The following CENPC variants were observed in gnomAD, a reference collection of about 807,000 sequenced individuals.
CENPC encodes CENP-C 1.
In CENPC, 63 loss-of-function variants were observed where a neutral mutation model predicts 112.1. The observed-to-expected ratio is 0.56, with a 90% confidence interval of 0.46 to 0.69. The LOEUF (loss-of-function observed/expected upper bound fraction) is 0.69. Ranked by LOEUF, CENPC falls within the 30% of genes least tolerant of loss-of-function variation. The pLI, the probability that CENPC is intolerant of heterozygous loss-of-function variation, is 0.00. For synonymous variants in CENPC, 333 were observed against 367.6 expected (o/e 0.91, Z 1.08); for missense variants, 1,000 against 1,103.8 (o/e 0.91, Z 1.33).
At chr4:67,506,004 GC>G (rs1308810341) in intron 11 of CENPC, among the ~76,000 whole-genome samples, 12 of 152,102 alleles carry the variant, frequency 7.9e-5, no homozygotes, top group African/African-American at 2.9e-4. Flanking sequence ...AGATGATTCA[GC>G]CTCTCCTAGT....
rs1311589471 is a variant in CENPC, at chr4:67,492,900, C to A, written c.2388G>T (p.Lys796Asn). The A allele has an allele frequency of 3.2e-6, 5 of 1,569,520 alleles. No individual in the cohort carries two copies. In the East Asian group the frequency reaches 6.9e-5, roughly 22 times the overall value. The change falls in exon 15 of 19, where the codon AAG becomes AAT. Residue 796 changes from lysine to asparagine, a missense_variant. Transcript: ENST00000273853. ...CATCGTTATCAAGACAGATCCTTTTCTTATTAGATTTTTTGTTGACTTTTC... is the reference window on the plus strand; with the variant it reads ...CATCGTTATCAAGACAGATCCTTTTATTATTAGATTTTTTGTTGACTTTTC... ...NIGKVNKKSN[K>N]KRICLDNDER...
chr4:67,537,029 A>G (rs1043972381), intron 4 of CENPC, among the ~76,000 whole-genome samples: 101 of 144,106 alleles, frequency 7.0e-4, no homozygotes, highest in Admixed American at 1.2e-3. Context: ...CCTCTAATTA[A>G]AAAAAAAAAA....
At chr4:67,485,500 G>A (rs1176725814) in intron 17 of CENPC, among the ~76,000 whole-genome samples, 1 of 152,140 alleles carries the variant, frequency 6.6e-6, no homozygotes, top group East Asian at 1.9e-4. Flanking sequence ...CAGGAGGTGG[G>A]GAATTTGGGA....
In CENPC at chr4:67,492,289, A is replaced by G; in HGVS notation, c.2420-14T>C. ...TTAAGTTAGTCTCTGCAAAAGAAAT[A>G]CCATTGAAATACAAACTACTTACTT... On this transcript the variant is annotated splice_polypyrimidine_tract_variant and intron_variant, in intron 15 of 18. Transcript: ENST00000273853. The G allele has an allele frequency of 6.7e-7, 1 of 1,491,206 alleles. No homozygotes were observed. The highest frequency in any genetic ancestry group is 9.1e-7 in the Non-Finnish European group (1 of 1,094,202). The allele number at this position is 1,491,206 out of a possible 1,614,324, so 92.4% of individuals were successfully genotyped here. A position where few individuals can be genotyped will look rare whatever the true frequency, so the allele number is the denominator to read the frequency against.
At chr4:67,544,444 T>C (rs1726971072) in intron 1 of CENPC, among the ~76,000 whole-genome samples, 1 of 152,220 alleles carries the variant, frequency 6.6e-6, no homozygotes, top group South Asian at 2.1e-4. Flanking sequence ...TGCTTTCTTC[T>C]GATTATATAT....
intron 12 of CENPC, among the ~76,000 whole-genome samples, chr4:67,501,964 G>C (rs1380628331): frequency 6.6e-6 from 1 of 152,072 alleles, no homozygotes; most frequent in Non-Finnish European, 1.5e-5. Context: ...CTAACACAAG[G>C]GACAACTCCT....
At chr4:67,526,518 AT>A (rs1726385974) in intron 5 of CENPC, among the ~76,000 whole-genome samples, 1 of 152,082 alleles carries the variant, frequency 6.6e-6, no homozygotes, top group Non-Finnish European at 1.5e-5. Flanking sequence ...TAATATTGCT[AT>A]TTAAAAGTTC....
intron 1 of CENPC, 57 bp downstream of exon 1, chr4:67,545,281 G>T: frequency 7.0e-7 from 1 of 1,435,720 alleles, no homozygotes; most frequent in Non-Finnish European, 9.2e-7. Flanking sequence ...AGCCTCGGGC[G>T]CCCGTGCCCC....
chr4:67,542,394 A>G (rs1299733866), intron 2 of CENPC, among the ~76,000 whole-genome samples: 1 of 152,236 alleles, frequency 6.6e-6, no homozygotes, highest in Non-Finnish European at 1.5e-5. Flanking sequence ...CTGGAAAAGT[A>G]CTATATATGC....
At chr4:67,494,268 T>C (rs1244538417) in intron 13 of CENPC, among the ~76,000 whole-genome samples, 2 of 152,212 alleles carry the variant, frequency 1.3e-5, no homozygotes, top group Non-Finnish European at 2.9e-5. Flanking sequence ...AAGTTCTGTA[T>C]ACTAAATTGA....
intron 12 of CENPC, among the ~76,000 whole-genome samples, chr4:67,504,872 A>G (rs1163696373): frequency 1.3e-5 from 2 of 152,188 alleles, no homozygotes; most frequent in Non-Finnish European, 2.9e-5. Context: ...AGAAAATAGT[A>G]TAATGAACCC....
At chr4:67,510,642 T>C (rs532547732) in intron 9 of CENPC, 9 of 185,310 alleles carry the variant, frequency 4.9e-5, no homozygotes, top group African/African-American at 1.4e-4. Flanking sequence ...TAGTGTCTCA[T>C]TGTCTTACCC....
intron 5 of CENPC, among the ~76,000 whole-genome samples, chr4:67,529,215 T>C (rs767566566): frequency 1.3e-5 from 2 of 152,232 alleles, no homozygotes; most frequent in Non-Finnish European, 2.9e-5. Flanking sequence ...GTTCTTTATA[T>C]ATTCTGATTA....
intron 4 of CENPC, among the ~76,000 whole-genome samples, chr4:67,535,441 A>G (rs1039608876): frequency 6.0e-4 from 90 of 149,662 alleles, no homozygotes; most frequent in African/African-American, 1.9e-3. Flanking sequence ...TAGATTGAAG[A>G]AAAAAAAAAG....
chr4:67,515,365 C>T (rs886707512), intron 7 of CENPC, among the ~76,000 whole-genome samples: 1 of 151,584 alleles, frequency 6.6e-6, no homozygotes, highest in African/African-American at 2.4e-5. Flanking sequence ...ACTTGGGAGG[C>T]TGAGGCGGAA....
chr4:67,486,812 A>G (rs541558185), intron 17 of CENPC, among the ~76,000 whole-genome samples: 1 of 152,262 alleles, frequency 6.6e-6, no homozygotes, highest in South Asian at 2.1e-4. Context: ...TTTATTGAAA[A>G]CATTAAGCAG....
At position 67,485,511 on chromosome 4, in the gene CENPC, C is replaced by T. The variant is rs374796157; in HGVS notation, c.2670+4456G>A. ...GGATCAGGAGGTGGGGAATTTGGGA[C>T]GTAATTAGGTCCTGAGTGCAGAGCC... is the stretch of plus-strand genomic sequence containing the variant. On this transcript the variant is annotated intron_variant, in intron 17 of 18. Coordinates refer to ENST00000273853, the MANE Select transcript of CENPC (RefSeq NM_001812.4). Among the ~76,000 whole-genome samples, 19 of 152,168 alleles carry T rather than the reference C, an allele frequency of 1.2e-4. 1 individual carries two copies. Among genetic ancestry groups the T allele is most frequent in the South Asian group, 8.3e-4 (4 of 4,822 alleles).
intron 17 of CENPC, among the ~76,000 whole-genome samples, chr4:67,483,099 C>A (rs907494030): frequency 2.6e-5 from 4 of 152,156 alleles, no homozygotes; most frequent in African/African-American, 9.7e-5. Flanking sequence ...TTTGCTTCCC[C>A]TTCTGCCATA....
intron 17 of CENPC, among the ~76,000 whole-genome samples, chr4:67,482,203 C>T (rs867345672): frequency 7.9e-5 from 12 of 152,084 alleles, no homozygotes; most frequent in African/African-American, 2.4e-4. Flanking sequence ...AAATGCAAAT[C>T]GAAACCACAA....
Sources: gnomAD v4.1 joint callset for allele counts (sites outside exome capture counted in the v4.1 genomes callset) on GRCh38, gnomAD v4.1.1 for gene constraint, MANE v1.5 for transcripts, NCBI Gene and HGNC (gene_info 2026-07-23, HGNC 2026-07-21) for gene names.